The following GSG1L variants were observed in gnomAD, a reference collection of about 807,000 sequenced individuals.
GSG1L encodes germ cell-specific gene 1-like protein.
A neutral mutation model predicts 42.1 loss-of-function variants in GSG1L; 24 were observed. The ratio of observed to expected loss-of-function variants is 0.57; its 90% CI spans 0.41 to 0.80. The LOEUF is 0.80. Ranked by LOEUF, GSG1L falls within the 30% of genes least tolerant of loss-of-function variation. The pLI is 0.00. For missense variants in GSG1L, 445 were observed against 472.2 expected (o/e 0.94, Z 0.53); for synonymous variants, 215 against 203.5 (o/e 1.06, Z -0.48).
chr16:27,964,624 A>T (rs1020967018), intron 1 of GSG1L, among the ~76,000 whole-genome samples: 1 of 152,230 alleles, frequency 6.6e-6, no homozygotes, highest in African/African-American at 2.4e-5. Context: ...TTGCAACCAC[A>T]TGGATGGAAT....
At chr16:27,852,207 C>T (rs2083523439) in intron 3 of GSG1L, among the ~76,000 whole-genome samples, 1 of 152,170 alleles carries the variant, frequency 6.6e-6, no homozygotes. Context: ...GTGTCATGTC[C>T]GGGACTTGAG....
At chr16:27,999,718 C>CA (rs1424212824) in intron 1 of GSG1L, among the ~76,000 whole-genome samples, 1 of 152,164 alleles carries the variant, frequency 6.6e-6, no homozygotes, top group Non-Finnish European at 1.5e-5. Flanking sequence ...GCTGCTGTTA[C>CA]AAACACCTCA....
chr16:27,854,602 G>A (rs1007066004), intron 3 of GSG1L, among the ~76,000 whole-genome samples: 2 of 152,234 alleles, frequency 1.3e-5, no homozygotes, highest in Non-Finnish European at 2.9e-5. Flanking sequence ...GCACATCCTC[G>A]AGGGCTGTTC....
chr16:28,018,554 A>C (rs2085805379), intron 1 of GSG1L, among the ~76,000 whole-genome samples: 2 of 152,154 alleles, frequency 1.3e-5, no homozygotes, highest in Admixed American at 1.3e-4. Flanking sequence ...CTGGGTCACT[A>C]AACCACTGCT....
intron 5 of GSG1L, chr16:27,823,878 G>T (rs2083176766): frequency 1.4e-6 from 1 of 702,976 alleles, no homozygotes; most frequent in Non-Finnish European, 2.6e-6. Context: ...TGTGACCTGG[G>T]GCAAGTCGCC....
At chr16:27,855,305 A>T (rs1183067445) in intron 3 of GSG1L, among the ~76,000 whole-genome samples, 2 of 152,242 alleles carry the variant, frequency 1.3e-5, no homozygotes, top group Non-Finnish European at 1.5e-5. Flanking sequence ...TTAAGGGCTC[A>T]GCGAGCTGTG....
At chr16:28,013,896 C>G (rs205373) in intron 1 of GSG1L, among the ~76,000 whole-genome samples, 119,647 of 152,194 alleles carry the variant, frequency 0.79, 47,494 homozygotes, top group South Asian at 0.84. Flanking sequence ...GCATCTCCTG[C>G]CTTCCTATGT....
intron 6 of GSG1L, among the ~76,000 whole-genome samples, chr16:27,806,822 T>C (rs2082968842): frequency 6.6e-6 from 1 of 152,148 alleles, no homozygotes; most frequent in African/African-American, 2.4e-5. Flanking sequence ...AATTTCCTCA[T>C]ATGCAAAGTC....
chr16:28,034,057 C>T (rs2085999074), intron 1 of GSG1L, among the ~76,000 whole-genome samples: 1 of 152,180 alleles, frequency 6.6e-6, no homozygotes, highest in South Asian at 2.1e-4. Context: ...TGGGACTCAT[C>T]CCATCCCATC....
chr16:27,890,215 G>A (rs1452841368), intron 2 of GSG1L, among the ~76,000 whole-genome samples: 1 of 152,216 alleles, frequency 6.6e-6, no homozygotes, highest in Non-Finnish European at 1.5e-5. Flanking sequence ...GTCCAGAAGA[G>A]GACGGCCGCT....
chr16:27,827,916 A>G (rs1382885679), intron 5 of GSG1L, among the ~76,000 whole-genome samples: 1 of 83,304 alleles, frequency 1.2e-5, no homozygotes, highest in Non-Finnish European at 2.7e-5. Flanking sequence ...TCACCTACCC[A>G]TCCACCACTC....
At chr16:27,979,986 C>A (rs1399609261) in intron 1 of GSG1L, among the ~76,000 whole-genome samples, 2 of 152,116 alleles carry the variant, frequency 1.3e-5, no homozygotes, top group African/African-American at 2.4e-5. Flanking sequence ...TTTAAAAATT[C>A]TTTCCCTGGA....
intron 1 of GSG1L, among the ~76,000 whole-genome samples, chr16:28,043,857 G>A (rs205394): frequency 0.44 from 66,186 of 151,396 alleles, 15,692 homozygotes; most frequent in East Asian, 0.69. Context: ...CCCCATCTCT[G>A]TAAAAAATAC....
chr16:27,961,044 C>T (rs1044869717), intron 2 of GSG1L, among the ~76,000 whole-genome samples: 22 of 152,182 alleles, frequency 1.4e-4, no homozygotes, highest in Admixed American at 1.2e-3. Context: ...CACACACACA[C>T]GTACTCAAAT....
intron 1 of GSG1L, among the ~76,000 whole-genome samples, chr16:28,036,956 T>C (rs1012955016): frequency 6.6e-6 from 1 of 152,240 alleles, no homozygotes; most frequent in Non-Finnish European, 1.5e-5. Flanking sequence ...CATGCCTGGT[T>C]TGTACTCCCC....
Position 28,063,547 on chromosome 16 carries a change from G to C in GSG1L, c.-123C>G. 4.2e-6 allele frequency: 2 copies of C among 470,658 alleles called. No individual in the cohort carries two copies. Among genetic ancestry groups the C allele is most frequent in the Non-Finnish European group, 5.7e-6 (2 of 348,668 alleles). 29.2% of individuals were successfully genotyped at this position (470,658 alleles called of 1,614,324 possible). A position where few individuals can be genotyped will look rare whatever the true frequency, so the allele number is the denominator to read the frequency against. On this transcript the variant is annotated 5_prime_UTR_variant, in exon 1 of 7. Coordinates refer to ENST00000447459, the MANE Select transcript of GSG1L (RefSeq NM_001109763.2). This position sits in a 1 kb window ranked among gnomAD's most constrained non-coding sequence, Gnocchi z 5.8. ...CCCGGGGCTCGGGTGCCTGAGATCG[G>C]CGGCGGCGGACGCGGCGCGGGCCCA...
intron 1 of GSG1L, among the ~76,000 whole-genome samples, chr16:28,056,256 G>A (rs1024809270): frequency 6.6e-6 from 1 of 152,154 alleles, no homozygotes; most frequent in African/African-American, 2.4e-5. Flanking sequence ...TTAAGAAAAT[G>A]TGGCACATAT....
At chr16:27,997,310 T>G (rs1031342431) in intron 1 of GSG1L, among the ~76,000 whole-genome samples, 2 of 51,056 alleles carry the variant, frequency 3.9e-5, no homozygotes, top group African/African-American at 1.2e-4. Context: ...TGTTCTCCAC[T>G]TTTTTTTTTT....
At chr16:27,829,345 GCAT>G (rs1208875163) in intron 4 of GSG1L, among the ~76,000 whole-genome samples, 5 of 152,144 alleles carry the variant, frequency 3.3e-5, no homozygotes, top group Non-Finnish European at 5.9e-5. Context: ...AGGCATGGAG[GCAT>G]CAAACAGCAG....
Sources: allele counts gnomAD v4.1 joint callset (sites outside exome capture counted in the v4.1 genomes callset), GRCh38; gene constraint gnomAD v4.1.1; non-coding constraint Gnocchi (gnomAD v3.1); transcripts MANE v1.5; gene names NCBI Gene and HGNC (gene_info 2026-07-23, HGNC 2026-07-21).